Variants in CELF2 observed in about 807,000 individuals in gnomAD.
The protein encoded by CELF2 is CUGBP Elav-like family member 2.
Under a neutral mutation model 62.6 loss-of-function variants are expected in CELF2, and 8 were observed. The observed-to-expected ratio is 0.13, with a 90% CI of 0.07 to 0.23. The LOEUF (loss-of-function observed/expected upper bound fraction) is 0.23, where lower values mean the gene tolerates loss of function less well. Among genes scored for constraint, CELF2 ranks in the 10% least tolerant of loss-of-function variants. The pLI, the probability that CELF2 is intolerant of heterozygous loss-of-function variation, is 1.00. For synonymous variants in CELF2, 258 were observed against 250.0 expected (o/e 1.03, Z -0.30); for missense variants, 333 against 671.0 (o/e 0.50, Z 5.56).
the CELF2 span, among the ~76,000 whole-genome samples, chr10:10,755,407 T>C: frequency 6.6e-6 from 1 of 152,184 alleles, no homozygotes; most frequent in Non-Finnish European, 1.5e-5. Flanking sequence ...AATACCGGCA[T>C]TTACTTGCCA....
intron 2 of CELF2, among the ~76,000 whole-genome samples, chr10:11,189,164 G>A (rs969964033): frequency 3.3e-5 from 5 of 152,120 alleles, no homozygotes; most frequent in African/African-American, 7.2e-5. Flanking sequence ...GTAAGGACAG[G>A]CACTATTCCA....
intron 1 of CELF2, among the ~76,000 whole-genome samples, chr10:11,142,131 A>G (rs2061443575): frequency 6.6e-6 from 1 of 152,258 alleles, no homozygotes; most frequent in Non-Finnish European, 1.5e-5. Context: ...TGCCCATCAG[A>G]TGGCTTACAT....
chr10:11,217,378 C>G lies in CELF2; in HGVS notation c.272-47C>G. ...CGCCACAGTCTCCATTATATCTAAG[C>G]AAAGCATTCACAGAAATTTCTAAAA... is the stretch of plus-strand genomic sequence containing the variant. On this transcript the variant is annotated intron_variant, in intron 2 of 12. Transcript: ENST00000633077. The surrounding 1 kb of genome is among the most constrained non-coding windows in gnomAD (Gnocchi z 5.6). 1 of 1,350,988 alleles carries G rather than the reference C, an allele frequency of 7.4e-7. No homozygotes were observed. The allele number at this position is 1,350,988 out of a possible 1,614,324, so 83.7% of individuals were successfully genotyped here.
intron 2 of CELF2, among the ~76,000 whole-genome samples, chr10:10,989,992 T>C (rs1363102707): frequency 6.6e-6 from 1 of 152,144 alleles, no homozygotes; most frequent in African/African-American, 2.4e-5. Flanking sequence ...GCCACTCTTG[T>C]ATATGGGGGA....
chr10:10,598,747 C>CTTTTTTTTTT, the CELF2 span, among the ~76,000 whole-genome samples: 1 of 73,180 alleles, frequency 1.4e-5, no homozygotes, highest in Non-Finnish European at 3.2e-5. Flanking sequence ...TTTTCTTTTT[C>CTTTTTTTTTT]TTTCTTTTTT....
chr10:11,194,115 G>C (rs2056773449), intron 2 of CELF2, among the ~76,000 whole-genome samples: 1 of 151,906 alleles, frequency 6.6e-6, no homozygotes, highest in African/African-American at 2.4e-5. Context: ...CGCCAGGCTG[G>C]AGTGTAGTGG....
At chr10:11,281,306 T>G (rs2088621936) in intron 8 of CELF2, among the ~76,000 whole-genome samples, 2 of 152,072 alleles carry the variant, frequency 1.3e-5, no homozygotes, top group South Asian at 4.2e-4. Context: ...GACCTCTGCC[T>G]CAGAAGCACC....
intron 1 of CELF2, among the ~76,000 whole-genome samples, chr10:10,839,266 C>A (rs2058517520): frequency 6.6e-6 from 1 of 152,188 alleles, no homozygotes; most frequent in African/African-American, 2.4e-5. Context: ...TATACATTAA[C>A]CCATGCATAT....
At chr10:10,976,832 G>A (rs527947249) in intron 2 of CELF2, among the ~76,000 whole-genome samples, 53 of 152,074 alleles carry the variant, frequency 3.5e-4, no homozygotes, top group Non-Finnish European at 5.9e-4. Context: ...TCAAAATGCC[G>A]CTCACTTGCA....
chr10:10,573,947 C>G, the CELF2 span, among the ~76,000 whole-genome samples: 2 of 151,828 alleles, frequency 1.3e-5, no homozygotes, highest in African/African-American at 4.8e-5. Flanking sequence ...GTATTAAATG[C>G]CAAAGAGAAG....
At chr10:11,265,814 G>T (rs900417386) in intron 5 of CELF2, among the ~76,000 whole-genome samples, 3 of 152,206 alleles carry the variant, frequency 2.0e-5, no homozygotes, top group Non-Finnish European at 4.4e-5. Context: ...AGTGTACATT[G>T]TCTTGTGTAT....
At chr10:10,741,235 G>A in the CELF2 span, among the ~76,000 whole-genome samples, 6 of 151,806 alleles carry the variant, frequency 4.0e-5, no homozygotes, top group South Asian at 4.2e-4. Flanking sequence ...AAAACAGGCC[G>A]GGTGCGGTGG....
chr10:11,152,315 C>G (rs2063488965), intron 1 of CELF2, among the ~76,000 whole-genome samples: 1 of 152,020 alleles, frequency 6.6e-6, no homozygotes, highest in African/African-American at 2.4e-5. Context: ...AGCTACTAAA[C>G]AATGAGGAAT....
intron 1 of CELF2, among the ~76,000 whole-genome samples, chr10:11,025,220 T>TG (rs2058962247): frequency 1.3e-5 from 1 of 76,406 alleles, no homozygotes; most frequent in African/African-American, 2.9e-5. Flanking sequence ...TGTGTGTGTG[T>TG]GTGTGTGTGT....
intron 1 of CELF2, among the ~76,000 whole-genome samples, chr10:10,891,312 G>A (rs9424109): frequency 0.15 from 22,654 of 151,922 alleles, 2,168 homozygotes; most frequent in Non-Finnish European, 0.22. Context: ...AGCCTGATAG[G>A]CAAACTCCAT....
chr10:10,691,019 A>G, the CELF2 span, among the ~76,000 whole-genome samples: 2 of 151,596 alleles, frequency 1.3e-5, no homozygotes, highest in Non-Finnish European at 2.9e-5. Context: ...TTTTTTTATT[A>G]TTATACTTTA....
intron 1 of CELF2, among the ~76,000 whole-genome samples, chr10:11,028,517 T>C (rs1336634709): frequency 4.6e-5 from 7 of 151,418 alleles, no homozygotes; most frequent in Non-Finnish European, 1.0e-4. Context: ...CCTCCTGGGT[T>C]CAAGTGATTC....
rs1048929768 is a variant in CELF2, at chr10:11,316,061, T to C, written c.1096+1803T>C. Among the ~76,000 whole-genome samples, 2 of 152,222 alleles carry C rather than the reference T, an allele frequency of 1.3e-5. No individual in the cohort carries two copies. Among genetic ancestry groups the C allele is most frequent in the Admixed American group, 6.5e-5 (1 of 15,284 alleles). ...CTGCTCTGCTCTGCATTGCTGAGAT[T>C]TTCCCATCGTTCTCGTCAGGGACTG... On this transcript the variant is annotated intron_variant, in intron 10 of 12. Transcript: ENST00000633077. This position sits in a 1 kb window ranked among gnomAD's most constrained non-coding sequence, Gnocchi z 4.4.
chr10:10,537,012 C>T, the CELF2 span, among the ~76,000 whole-genome samples: 1 of 152,034 alleles, frequency 6.6e-6, no homozygotes, highest in Non-Finnish European at 1.5e-5. Context: ...GCTGGATTCA[C>T]TTGCTGCTGC....
Sources: gnomAD v4.1 joint callset for allele counts (sites outside exome capture counted in the v4.1 genomes callset) on GRCh38, gnomAD v4.1.1 for gene constraint, Gnocchi (gnomAD v3.1) non-coding constraint, MANE v1.5 for transcripts, NCBI Gene and HGNC (gene_info 2026-07-23, HGNC 2026-07-21) for gene names.